The following ACOXL variants were observed in gnomAD, a reference collection of about 807,000 sequenced individuals.
The protein encoded by ACOXL is acyl-coenzyme A oxidase-like protein.
A neutral mutation model predicts 71.9 loss-of-function variants in ACOXL; 70 were observed. That is an observed-to-expected ratio of 0.97 (90% CI 0.80 to 1.19). ACOXL has a LOEUF of 1.19. Among genes scored for constraint, ACOXL ranks in the 50% most tolerant of loss-of-function variants. The probability of loss-of-function intolerance (pLI) is 0.00; values close to 1 mark genes in which losing one functional copy is unlikely to be tolerated. For synonymous variants in ACOXL, 253 were observed against 281.6 expected (o/e 0.90, Z 1.02); for missense variants, 703 against 736.3 (o/e 0.95, Z 0.52).
intron 9 of ACOXL, among the ~76,000 whole-genome samples, chr2:110,838,709 C>G (rs948957543): frequency 6.6e-6 from 1 of 152,236 alleles, no homozygotes; most frequent in African/African-American, 2.4e-5. Flanking sequence ...CTACACTGTT[C>G]CAGCCTTTGT....
Position 111,118,094 on chromosome 2 carries a change from C to G in ACOXL, c.*278C>G, listed in dbSNP as rs1454535601. 4 of 542,662 alleles carry G rather than the reference C, an allele frequency of 7.4e-6. No individual in the cohort carries two copies. The highest frequency in any genetic ancestry group is 2.2e-5 in the South Asian group (1 of 45,098). The allele number at this position is 542,662 out of a possible 1,614,324, so 33.6% of individuals were successfully genotyped here. The stretch of plus-strand genomic sequence containing the variant: ...ACCTCTCCCAACTTCAGTGCCGGAT[C>G]CCCTAGACAATCAGGGTGGGCTCCC... On this transcript the variant is annotated 3_prime_UTR_variant, in exon 18 of 18. Transcript: ENST00000439055.
In ACOXL at chr2:110,736,692, T is replaced by A. The variant is rs949581390; in HGVS notation, c.-23+3918T>A. On this transcript the variant is annotated intron_variant, in intron 1 of 17. Coordinates refer to ENST00000439055, the MANE Select transcript of ACOXL (RefSeq NM_001142807.4). Reference sequence around the variant, plus strand: ...TGGAGTGCAGTGGTGCAATCTCGGCTCACTGCAAGCCCCGCCTCCCGGGCT... The same window carrying A: ...TGGAGTGCAGTGGTGCAATCTCGGCACACTGCAAGCCCCGCCTCCCGGGCT... Among the ~76,000 whole-genome samples the A allele has an allele frequency of 7.4e-4, 112 of 150,764 alleles. 1 individual carries two copies. Among genetic ancestry groups the A allele is most frequent in the South Asian group, 1.3e-3 (6 of 4,792 alleles).
At chr2:110,737,845 T>A (rs1677056760) in intron 1 of ACOXL, among the ~76,000 whole-genome samples, 1 of 152,234 alleles carries the variant, frequency 6.6e-6, no homozygotes, top group African/African-American at 2.4e-5. Context: ...GTCAAGTCAC[T>A]GTTTTCCCAG....
chr2:110,805,153 A>T, intron 8 of ACOXL, 110 bp from the exon 9 acceptor site: 1 of 1,423,356 alleles, frequency 7.0e-7, no homozygotes, highest in Non-Finnish European at 9.6e-7. Flanking sequence ...AAGTTCCACG[A>T]TGGGGAAATC....
chr2:110,739,591 A>G (rs1018483335), intron 1 of ACOXL, among the ~76,000 whole-genome samples: 4 of 152,218 alleles, frequency 2.6e-5, no homozygotes, highest in Non-Finnish European at 5.9e-5. Context: ...GGGGTCTCCT[A>G]CTGGCTCCAG....
At chr2:111,062,853 G>A (rs2066884810) in intron 16 of ACOXL, among the ~76,000 whole-genome samples, 1 of 151,964 alleles carries the variant, frequency 6.6e-6, no homozygotes, top group African/African-American at 2.4e-5. Flanking sequence ...AAAAATAATA[G>A]GGAACAACAA....
chr2:110,836,224 G>T (rs1261912706), intron 9 of ACOXL, among the ~76,000 whole-genome samples: 3 of 152,182 alleles, frequency 2.0e-5, no homozygotes, highest in Non-Finnish European at 2.9e-5. Flanking sequence ...TAGTGTGCTG[G>T]TCTTGCTTGT....
At chr2:110,798,184 C>T (rs1685497369) in intron 5 of ACOXL, among the ~76,000 whole-genome samples, 1 of 151,634 alleles carries the variant, frequency 6.6e-6, no homozygotes. Flanking sequence ...TTCCCATTGT[C>T]TTCTCTTCTG....
At chr2:110,879,157 A>T (rs1274669238) in intron 10 of ACOXL, among the ~76,000 whole-genome samples, 3 of 152,238 alleles carry the variant, frequency 2.0e-5, no homozygotes, top group African/African-American at 7.2e-5. Flanking sequence ...AGAATGTTTC[A>T]GAATTGATAA....
chr2:111,094,398 T>C (rs1297383109), intron 17 of ACOXL: 1 of 152,202 alleles, frequency 6.6e-6, no homozygotes, highest in Admixed American at 6.5e-5. Context: ...ATAGACTGGG[T>C]AATTTATAAA....
At chr2:110,943,242 GAAA>G (rs2060958215) in intron 12 of ACOXL, among the ~76,000 whole-genome samples, 1 of 121,170 alleles carries the variant, frequency 8.3e-6, no homozygotes, top group Non-Finnish European at 1.7e-5. Flanking sequence ...GCAAGAAAGA[GAAA>G]GAAAAAGAAA....
intron 12 of ACOXL, among the ~76,000 whole-genome samples, chr2:110,949,279 C>G (rs2061235817): frequency 1.3e-5 from 2 of 152,066 alleles, no homozygotes; most frequent in South Asian, 4.1e-4. Flanking sequence ...CAGTAAGGCC[C>G]CCTAGTAGAA....
chr2:110,773,265 G>T (rs1198210665), intron 2 of ACOXL, among the ~76,000 whole-genome samples: 1 of 152,180 alleles, frequency 6.6e-6, no homozygotes, highest in Non-Finnish European at 1.5e-5. Flanking sequence ...TGGGTGATCA[G>T]ATCTAAAATG....
chr2:111,093,365 A>T, intron 17 of ACOXL: 1 of 1,276,994 alleles, frequency 7.8e-7, no homozygotes, highest in Non-Finnish European at 1.1e-6. Context: ...TACAATAGCT[A>T]CGGAGCACCT....
At chr2:110,764,368 G>A (rs762235628) in intron 1 of ACOXL, among the ~76,000 whole-genome samples, 18 of 152,104 alleles carry the variant, frequency 1.2e-4, no homozygotes, top group Admixed American at 2.0e-4. Flanking sequence ...AAAAGCACAT[G>A]GAGACTTAAA....
In ACOXL at chr2:110,774,103, A is replaced by T. The variant is rs538453883; in HGVS notation, c.75+5639A>T. 1.3e-3 allele frequency among the ~76,000 whole-genome samples: 191 copies of T among 152,274 alleles called. 1 individual carries two copies. Among genetic ancestry groups the T allele is most frequent in the African/African-American group, 4.6e-3 (190 of 41,552 alleles). On this transcript the variant is annotated intron_variant, in intron 2 of 17. Coordinates refer to ENST00000439055, the MANE Select transcript of ACOXL (RefSeq NM_001142807.4). ...CGTGCAGTGAAATACTATGTAAAAA[A>T]CCAATAATTATTTCTCGCTACCTTT...
At chr2:110,907,225 G>A (rs1445675519) in intron 10 of ACOXL, among the ~76,000 whole-genome samples, 2 of 152,210 alleles carry the variant, frequency 1.3e-5, no homozygotes, top group Admixed American at 6.5e-5. Context: ...CAGAGCATGG[G>A]TGTGGGGAGA....
At chr2:110,815,368 T>C (rs1409344342) in intron 9 of ACOXL, among the ~76,000 whole-genome samples, 1 of 152,238 alleles carries the variant, frequency 6.6e-6, no homozygotes, top group Non-Finnish European at 1.5e-5. Context: ...TTCAAGCTTC[T>C]TGATCATTTT....
chr2:110,760,920 G>A (rs1680320876), intron 1 of ACOXL, among the ~76,000 whole-genome samples: 1 of 152,150 alleles, frequency 6.6e-6, no homozygotes, highest in Non-Finnish European at 1.5e-5. Context: ...AGATTTAAGG[G>A]GTAGGAAAAT....
Sources: allele counts gnomAD v4.1 joint callset (sites outside exome capture counted in the v4.1 genomes callset), GRCh38; gene constraint gnomAD v4.1.1; transcripts MANE v1.5; gene names NCBI Gene and HGNC (gene_info 2026-07-23, HGNC 2026-07-21).